Variants in DENND4C observed in about 807,000 individuals in gnomAD.
DENND4C encodes the protein DENN domain-containing protein 4C.
Under a neutral mutation model 203.0 loss-of-function variants are expected in DENND4C, and 108 were observed. That is an observed-to-expected ratio of 0.53 (90% CI 0.46 to 0.62). The LOEUF is 0.62. DENND4C is among the 20% of genes least tolerant of loss of function. DENND4C has a pLI of 0.00. For missense variants in DENND4C, 2,481 were observed against 2,301.2 expected (o/e 1.08, Z -1.60); for synonymous variants, 871 against 792.4 (o/e 1.10, Z -1.67).
In DENND4C at chr9:19,290,728, A is replaced by G; in HGVS notation, c.653A>G (p.Glu218Gly). 1 of 1,506,608 alleles carries G rather than the reference A, an allele frequency of 6.6e-7. No individual in the cohort carries two copies. 93.3% of individuals were successfully genotyped at this position (1,506,608 alleles called of 1,614,324 possible). A position where few individuals can be genotyped will look rare whatever the true frequency, so the allele number is the denominator to read the frequency against. ...KAGLIFRYPE[E>G]DYESFPLSES... The stretch of plus-strand genomic sequence containing the variant: ...GGTTTAATTTTTAGATATCCAGAAG[A>G]GGACTATGAGTCATTTCCACTCTCA... The change falls in exon 5 of 33, where the codon GAG becomes GGG. Residue 218 changes from glutamate (E) to glycine (G), a missense_variant. Coordinates refer to ENST00000434457, the MANE Select transcript of DENND4C (RefSeq NM_001330640.2).
chr9:19,333,428 C>G (rs1253360149), intron 17 of DENND4C, among the ~76,000 whole-genome samples: 1 of 152,104 alleles, frequency 6.6e-6, no homozygotes, highest in African/African-American at 2.4e-5. Context: ...AGGGGCCTGT[C>G]TTGTACATTG....
At chr9:19,328,931 C>T (rs538472982) in intron 16 of DENND4C, among the ~76,000 whole-genome samples, 270 of 152,090 alleles carry the variant, frequency 1.8e-3, no homozygotes, top group Middle Eastern at 6.8e-3. Flanking sequence ...TGCCTGTAAT[C>T]CCAGCTACTG....
At chr9:19,321,398 A>C (rs555591742) in intron 12 of DENND4C, among the ~76,000 whole-genome samples, 1 of 152,208 alleles carries the variant, frequency 6.6e-6, no homozygotes, top group African/African-American at 2.4e-5. Context: ...TTTGCCTTTA[A>C]CAACCAAGTG....
intron 28 of DENND4C, among the ~76,000 whole-genome samples, chr9:19,359,586 G>T (rs1018593344): frequency 5.3e-5 from 8 of 151,722 alleles, no homozygotes; most frequent in Non-Finnish European, 1.2e-4. Flanking sequence ...CCCAGACCTA[G>T]AATCAGCTGT....
At chr9:19,282,824 C>T (rs1834390782) in intron 2 of DENND4C, among the ~76,000 whole-genome samples, 1 of 136,518 alleles carries the variant, frequency 7.3e-6, no homozygotes, top group African/African-American at 2.7e-5. Context: ...TCAGGTGATT[C>T]TCCTGCCTCA....
At chr9:19,235,938 T>G (rs559046361) in intron 1 of DENND4C, among the ~76,000 whole-genome samples, 33 of 152,162 alleles carry the variant, frequency 2.2e-4, no homozygotes, top group African/African-American at 7.2e-4. Context: ...TTTTAATTTG[T>G]TTTTGTAATA....
intron 9 of DENND4C, among the ~76,000 whole-genome samples, chr9:19,300,977 C>G (rs184503994): frequency 6.6e-6 from 1 of 151,998 alleles, no homozygotes; most frequent in Non-Finnish European, 1.5e-5. Context: ...GTCAGGAGTT[C>G]GAGACCAGCC....
rs1382846018 is a variant in DENND4C, at chr9:19,354,890, A to AT, written c.4782-2072dup. ...AATTGGTTGCTTATGTTCATTGCCTATTTTTTTTTTCTTTTTTGGCTGTTT... is the reference window on the plus strand; with the variant it reads ...AATTGGTTGCTTATGTTCATTGCCTATTTTTTTTTTTCTTTTTTGGCTGTTT... On this transcript the variant is annotated intron_variant, in intron 26 of 32. Transcript: ENST00000434457. 3.6e-3 allele frequency among the ~76,000 whole-genome samples: 466 copies of AT among 127,882 alleles called. 2 individuals carry two copies. The highest frequency in any genetic ancestry group is 0.022 in the South Asian group (90 of 4,056). 83.9% of individuals were successfully genotyped at this position (127,882 alleles called of 152,430 possible). A position where few individuals can be genotyped will look rare whatever the true frequency, so the allele number is the denominator to read the frequency against.
At chr9:19,322,759 G>T (rs1843101181) in intron 12 of DENND4C, among the ~76,000 whole-genome samples, 1 of 151,376 alleles carries the variant, frequency 6.6e-6, no homozygotes, top group South Asian at 2.1e-4. Flanking sequence ...AAATAAGGGG[G>T]CCAGTGGATT....
chr9:19,232,917 C>G (rs1266746103), intron 1 of DENND4C, among the ~76,000 whole-genome samples: 1 of 152,032 alleles, frequency 6.6e-6, no homozygotes, highest in Admixed American at 6.6e-5. Context: ...ACCAAAACAT[C>G]TCATATTTTC....
chr9:19,331,722 C>T (rs1326558399), intron 16 of DENND4C, among the ~76,000 whole-genome samples: 1 of 152,160 alleles, frequency 6.6e-6, no homozygotes, highest in African/African-American at 2.4e-5. Context: ...GATCTTTGCT[C>T]TTAATTTCTA....
intron 30 of DENND4C, 42 bp downstream of exon 30, chr9:19,362,005 GGCTCGCACCTGTAAT>G (rs1384505538): frequency 9.6e-6 from 12 of 1,248,072 alleles, no homozygotes; most frequent in Non-Finnish European, 1.2e-5. Flanking sequence ...CAGGTGCAGT[GGCTCGCACCTGTAAT>G]GCCAGCACTT....
chr9:19,264,832 G>T (rs1194310823), intron 1 of DENND4C, among the ~76,000 whole-genome samples: 1 of 150,926 alleles, frequency 6.6e-6, no homozygotes, highest in African/African-American at 2.4e-5. Context: ...ACTAATTTTG[G>T]GTTTGGTTTG....
rs1373769692 is a variant in DENND4C at position 19,316,683 on chromosome 9, T to G, written c.1651T>G (p.Trp551Gly). 4 of 1,614,020 alleles carry G rather than the reference T, an allele frequency of 2.5e-6. No homozygotes were observed. Among genetic ancestry groups the G allele is most frequent in the African/African-American group, 2.7e-5 (2 of 74,942 alleles). ...DMTPIEADFS[W>G]QKKMTQLEME... The stretch of plus-strand genomic sequence containing the variant: ...GACTCCAATTGAAGCAGATTTCTCC[T>G]GGCAAAAGAAGATGACACAGCTTGA... Residue 551 changes from tryptophan (W) to glycine (G), a missense_variant, in exon 12 of 33, where the codon TGG becomes GGG. Coordinates refer to ENST00000434457, the MANE Select transcript of DENND4C (RefSeq NM_001330640.2).
intron 13 of DENND4C, 118 bp from the exon 14 acceptor site, chr9:19,325,821 T>C (rs775225225): frequency 1.1e-6 from 1 of 918,800 alleles, no homozygotes; most frequent in Non-Finnish European, 1.7e-6. Flanking sequence ...CTGTGCATGT[T>C]TTGTATCAGC....
At chr9:19,281,743 G>C (rs187722524) in intron 2 of DENND4C, among the ~76,000 whole-genome samples, 33 of 152,292 alleles carry the variant, frequency 2.2e-4, no homozygotes, top group African/African-American at 7.2e-4. Context: ...GAACATCATA[G>C]AGTGTACATA....
At chr9:19,231,829 G>A (rs147830314) in intron 1 of DENND4C, among the ~76,000 whole-genome samples, 3 of 151,328 alleles carry the variant, frequency 2.0e-5, no homozygotes, top group Non-Finnish European at 4.4e-5. Context: ...CTGCTTAATT[G>A]TGTGCAAACC....
Position 19,372,136 on chromosome 9 carries a change from A to G in DENND4C, c.5840A>G (p.Glu1947Gly), listed in dbSNP as rs545079223. 5 of 1,614,098 alleles carry G rather than the reference A, an allele frequency of 3.1e-6. No homozygotes were observed. The highest frequency in any genetic ancestry group is 4.2e-6 in the Non-Finnish European group (5 of 1,179,992). ...GATGCTCCACCAAGTGCCAGTGTCG[A>G]GTGGTGCAGGAAGTGTTTTGGAGCG... is the stretch of plus-strand genomic sequence containing the variant. ...KIDAPPSASV[E>G]WCRKCFGAPL... is the part of the protein sequence containing the mutation. Residue 1947 changes from glutamate to glycine, a missense_variant, in exon 33 of 33, where the codon GAG becomes GGG. Transcript: ENST00000434457.
At chr9:19,363,995 C>T (rs1267311269) in intron 30 of DENND4C, among the ~76,000 whole-genome samples, 5 of 152,064 alleles carry the variant, frequency 3.3e-5, no homozygotes, top group South Asian at 2.1e-4. Flanking sequence ...GCCTGGGCAT[C>T]GCAGCAAGAC....
Sources: allele counts gnomAD v4.1 joint callset (sites outside exome capture counted in the v4.1 genomes callset), GRCh38; gene constraint gnomAD v4.1.1; transcripts MANE v1.5; gene names NCBI Gene and HGNC (gene_info 2026-07-23, HGNC 2026-07-21).